The following DUSP22 variants were observed in gnomAD, a reference collection of about 807,000 sequenced individuals.
DUSP22 encodes dual specificity phosphatase 22, also known as dual specificity protein phosphatase 22.
In DUSP22, 24 loss-of-function variants were observed where a neutral mutation model predicts 24.5. The ratio of observed to expected loss-of-function variants is 0.98; its 90% CI spans 0.71 to 1.38. The LOEUF is 1.38. Ranked by LOEUF, DUSP22 falls within the 40% of genes most tolerant of loss-of-function variation. DUSP22 has a pLI of 0.00. For synonymous variants in DUSP22, 160 were observed against 106.4 expected (o/e 1.50, Z -3.10); for missense variants, 330 against 269.2 (o/e 1.23, Z -1.58).
At chr6:344,284 CTAT>C (rs1241055930) in intron 4 of DUSP22, among the ~76,000 whole-genome samples, 5 of 151,722 alleles carry the variant, frequency 3.3e-5, no homozygotes, top group African/African-American at 1.2e-4. Context: ...GAACTTAGTT[CTAT>C]TATTTGTTTA....
intron 1 of DUSP22, 86 bp from the exon 2 acceptor site, chr6:304,542 G>A (rs1323901015): frequency 1.3e-6 from 2 of 1,594,620 alleles, no homozygotes; most frequent in East Asian, 2.2e-5. Flanking sequence ...CCTTTGCAGG[G>A]ATCCTGCTGC....
intron 3 of DUSP22, among the ~76,000 whole-genome samples, chr6:332,932 CACTT>C (rs1330235357): frequency 3.9e-5 from 6 of 152,294 alleles, no homozygotes; most frequent in Non-Finnish European, 2.9e-5. Context: ...TGCCAACTCT[CACTT>C]AAGAGTAAAA....
In DUSP22 at chr6:312,744, C is replaced by G. The variant is rs1054530571; in HGVS notation, c.138+782C>G. On this transcript the variant is annotated intron_variant, in intron 3 of 6. Transcript: ENST00000419235. ...TGTTTTCATTTAAATTTATATTAGG[C>G]AAGAGTAGGTAATGTTTTTTATTTC... Among the ~76,000 whole-genome samples, 14 of 152,414 alleles carry G rather than the reference C, an allele frequency of 9.2e-5. No individual in the cohort carries two copies. The South Asian group carries it at 2.3e-3, about 25-fold the overall frequency.
At position 349,902 on chromosome 6, in the gene DUSP22, C is replaced by CCAG; in HGVS notation, c.*953_*955dup. The CCAG allele has an allele frequency of 3.0e-6, 3 of 985,914 alleles. No homozygotes were observed. In the South Asian group the frequency reaches 1.4e-4, roughly 46 times the overall value. 61.1% of individuals were successfully genotyped at this position (985,914 alleles called of 1,614,324 possible). On this transcript the variant is annotated 3_prime_UTR_variant, in exon 7 of 7. Coordinates refer to ENST00000419235, the MANE Select transcript of DUSP22 (RefSeq NM_001286555.3). ...GGCACCCCCTCCTCTCTGCTCCTTG[C>CCAG]CAGCTTCATTCACTCCCAGCCTCTC...
chr6:292,641 T>C, intron 1 of DUSP22, 81 bp downstream of exon 1: 1 of 1,534,046 alleles, frequency 6.5e-7, no homozygotes, highest in South Asian at 1.2e-5. Flanking sequence ...GCCCGACGAC[T>C]CGAGCCCGGG....
chr6:320,918 G>A (rs1426375675), intron 3 of DUSP22, among the ~76,000 whole-genome samples: 1 of 152,300 alleles, frequency 6.6e-6, no homozygotes, highest in Admixed American at 6.5e-5. Context: ...CTTGCAGCAG[G>A]GATTGGGGAT....
intron 4 of DUSP22, 151 bp downstream of exon 4, chr6:335,314 A>G: frequency 5.0e-6 from 5 of 1,002,102 alleles, no homozygotes; most frequent in Non-Finnish European, 7.5e-6. Flanking sequence ...TACAGAGGCC[A>G]ACGCTAGGCA....
At chr6:307,019 G>A (rs371678440) in intron 2 of DUSP22, among the ~76,000 whole-genome samples, 5 of 152,302 alleles carry the variant, frequency 3.3e-5, no homozygotes, top group Admixed American at 6.5e-5. Context: ...ATGGGAGCCC[G>A]ATCGATGCCA....
At chr6:293,489 G>A (rs1416574515) in intron 1 of DUSP22, among the ~76,000 whole-genome samples, 1 of 152,296 alleles carries the variant, frequency 6.6e-6, no homozygotes, top group Non-Finnish European at 1.5e-5. Context: ...TCGTCTTTCT[G>A]CTTCACTTTT....
intron 3 of DUSP22, among the ~76,000 whole-genome samples, chr6:322,474 T>C (rs2666949): frequency 1 from 151,853 of 152,418 alleles, 75,644 homozygotes; most frequent in Non-Finnish European, 1. Flanking sequence ...AGCTGAGATT[T>C]TGCAGCTTCT....
chr6:295,364 C>T (rs557582804), intron 1 of DUSP22, among the ~76,000 whole-genome samples: 3 of 152,398 alleles, frequency 2.0e-5, no homozygotes, highest in South Asian at 4.1e-4. Context: ...CTTGTCGGTC[C>T]GTTCCGGGCT....
At chr6:334,097 C>G (rs1231679991) in intron 3 of DUSP22, among the ~76,000 whole-genome samples, 5 of 152,298 alleles carry the variant, frequency 3.3e-5, no homozygotes, top group African/African-American at 9.6e-5. Context: ...AGATGCGTTG[C>G]GTTGTAACTC....
intron 3 of DUSP22, among the ~76,000 whole-genome samples, chr6:322,670 C>T (rs886133273): frequency 1.3e-5 from 2 of 152,202 alleles, no homozygotes; most frequent in African/African-American, 4.8e-5. Flanking sequence ...GGAGAATATC[C>T]GTGGAGAGCA....
At chr6:305,976 C>G (rs1227437294) in intron 2 of DUSP22, among the ~76,000 whole-genome samples, 6 of 152,300 alleles carry the variant, frequency 3.9e-5, no homozygotes, top group Non-Finnish European at 7.3e-5. Context: ...ACACCCGTAT[C>G]CCCCCAGCTC....
chr6:303,715 T>C (rs1757688634), intron 1 of DUSP22, among the ~76,000 whole-genome samples: 1 of 152,306 alleles, frequency 6.6e-6, no homozygotes, highest in Non-Finnish European at 1.5e-5. Context: ...TACTGTGTTC[T>C]TATTTAAATT....
At chr6:323,542 G>C (rs1758706828) in intron 3 of DUSP22, among the ~76,000 whole-genome samples, 2 of 152,308 alleles carry the variant, frequency 1.3e-5, no homozygotes, top group Admixed American at 6.5e-5. Context: ...GCTAGTGGGG[G>C]TTAATCCACA....
At position 351,224 on chromosome 6, in the gene DUSP22, G is replaced by C. The variant is rs569830045; in HGVS notation, c.*2273G>C. ...TAGTTGTGTGGCGTGAACTCTGCCC[G>C]TGTGTTCTCAAATTCCCCAGCTTGG... On this transcript the variant is annotated 3_prime_UTR_variant, in exon 7 of 7. Transcript: ENST00000419235. 1.5e-5 allele frequency: 4 copies of C among 270,490 alleles called. No homozygotes were observed. Among genetic ancestry groups the C allele is most frequent in the Non-Finnish European group, 2.8e-5 (4 of 143,694 alleles). The allele number at this position is 270,490 out of a possible 1,614,324, so 16.8% of individuals were successfully genotyped here.
intron 4 of DUSP22, among the ~76,000 whole-genome samples, chr6:337,392 G>A (rs559937687): frequency 6.2e-4 from 94 of 152,382 alleles, no homozygotes; most frequent in Middle Eastern, 6.9e-3. Context: ...TTCACTCAGC[G>A]TATATTAATG....
intron 4 of DUSP22, among the ~76,000 whole-genome samples, chr6:341,376 G>A (rs554464953): frequency 1.0e-4 from 16 of 152,412 alleles, no homozygotes; most frequent in Non-Finnish European, 2.1e-4. Context: ...CTGCAGTTGA[G>A]CAATAGAAGG....
Sources: gnomAD v4.1 joint callset for allele counts (sites outside exome capture counted in the v4.1 genomes callset) on GRCh38, gnomAD v4.1.1 for gene constraint, MANE v1.5 for transcripts, NCBI Gene and HGNC (gene_info 2026-07-23, HGNC 2026-07-21) for gene names.